DMXL1: variants seen among roughly 807,000 people sequenced by gnomAD.
The protein encoded by DMXL1 is dmX-like protein 1.
Under a neutral mutation model 319.2 loss-of-function variants are expected in DMXL1, and 99 were observed. The observed-to-expected ratio is 0.31, with a 90% CI of 0.26 to 0.37. DMXL1 has a LOEUF of 0.37. Ranked by LOEUF, DMXL1 falls within the 10% of genes least tolerant of loss-of-function variation. The probability of loss-of-function intolerance (pLI) is 1.00; values close to 1 mark genes in which losing one functional copy is unlikely to be tolerated. For synonymous variants in DMXL1, 1,385 were observed against 1,235.2 expected (o/e 1.12, Z -2.54); for missense variants, 3,745 against 3,595.6 (o/e 1.04, Z -1.06).
chr5:119,095,539 A>G (rs1191622939), intron 1 of DMXL1, among the ~76,000 whole-genome samples: 3 of 152,232 alleles, frequency 2.0e-5, no homozygotes, highest in African/African-American at 7.2e-5. Context: ...TTTCAGGTAC[A>G]ACAAAGGTGA....
intron 10 of DMXL1, among the ~76,000 whole-genome samples, chr5:119,129,661 T>G (rs922173958): frequency 2.0e-5 from 3 of 152,192 alleles, no homozygotes; most frequent in Non-Finnish European, 4.4e-5. Context: ...CTTAGGACTT[T>G]CCTATATAAA....
Position 119,149,611 on chromosome 5 carries a change from A to G in DMXL1, c.3784A>G (p.Ile1262Val), listed in dbSNP as rs375367935. The G allele has an allele frequency of 8.1e-6, 13 of 1,613,854 alleles. No individual in the cohort carries two copies. Among genetic ancestry groups the G allele is most frequent in the Middle Eastern group, 3.3e-4 (2 of 6,084 alleles). ...TTCGTACAGTGGGAGCACTCCATCT[A>G]TAACAAGTTTAATAAAACAGAGTAA... is the stretch of plus-strand genomic sequence containing the variant. ...TDSYSGSTPS[I>V]TSLIKQSNSS... The change falls in exon 18 of 44, where the codon ATA (isoleucine) becomes GTA (valine). Residue 1262 changes from isoleucine to valine, a missense_variant. By Grantham distance (29) the Ile-to-Val change is conservative (BLOSUM62 3). Around this residue, in one of 4 missense-constraint regions of DMXL1, gnomAD observed 2,096 missense variants for 1,985.4 expected, o/e 1.06. Coordinates refer to ENST00000539542, the MANE Select transcript of DMXL1 (RefSeq NM_001290321.3).
At chr5:119,162,477 T>C (rs1363543431) in intron 19 of DMXL1, among the ~76,000 whole-genome samples, 1 of 152,200 alleles carries the variant, frequency 6.6e-6, no homozygotes, top group African/African-American at 2.4e-5. Flanking sequence ...CTCTGCTCCA[T>C]AGTTGACACC....
intron 1 of DMXL1, among the ~76,000 whole-genome samples, chr5:119,097,315 CTT>C: frequency 6.6e-6 from 1 of 152,118 alleles, no homozygotes; most frequent in East Asian, 1.9e-4. Context: ...AAATATCACT[CTT>C]TGTGGAAATG....
chr5:119,105,532 C>T (rs1198298583), intron 4 of DMXL1, among the ~76,000 whole-genome samples: 1 of 152,110 alleles, frequency 6.6e-6, no homozygotes. Context: ...GAAAAGGAGC[C>T]TTTGGACCTG....
intron 19 of DMXL1, among the ~76,000 whole-genome samples, chr5:119,162,509 A>G (rs976029746): frequency 1.3e-5 from 2 of 152,168 alleles, no homozygotes; most frequent in African/African-American, 4.8e-5. Flanking sequence ...TCCTTAAATG[A>G]TGGAACTGGT....
At chr5:119,218,492 T>C in intron 35 of DMXL1, among the ~76,000 whole-genome samples, 1 of 152,216 alleles carries the variant, frequency 6.6e-6, no homozygotes, top group Middle Eastern at 3.2e-3. Context: ...AGTCTCGCTC[T>C]GTTGCCCAGG....
chr5:119,128,627 A>G (rs771456620), intron 9 of DMXL1, among the ~76,000 whole-genome samples: 5 of 152,244 alleles, frequency 3.3e-5, no homozygotes, highest in Non-Finnish European at 5.9e-5. Flanking sequence ...GTGTCAGTGT[A>G]GATTCATCAA....
chr5:119,216,377 G>A (rs943976608), intron 34 of DMXL1, among the ~76,000 whole-genome samples: 1 of 152,014 alleles, frequency 6.6e-6, no homozygotes, highest in Non-Finnish European at 1.5e-5. Context: ...AGAATTTCAG[G>A]TTTCTCTATA....
chr5:119,090,322 C>T (rs1212213527), intron 1 of DMXL1, among the ~76,000 whole-genome samples: 1 of 151,472 alleles, frequency 6.6e-6, no homozygotes, highest in Non-Finnish European at 1.5e-5. Context: ...TGCCCGGCCA[C>T]TTGGGGTTAG....
At chr5:119,115,009 G>A (rs923655406) in intron 6 of DMXL1, among the ~76,000 whole-genome samples, 2 of 152,114 alleles carry the variant, frequency 1.3e-5, no homozygotes, top group African/African-American at 4.8e-5. Flanking sequence ...CATTATTGTG[G>A]TGTTAAAAGA....
intron 4 of DMXL1, among the ~76,000 whole-genome samples, chr5:119,105,907 A>G (rs1418801797): frequency 6.7e-6 from 1 of 149,794 alleles, no homozygotes; most frequent in Non-Finnish European, 1.5e-5. Flanking sequence ...AAAAAAAAAA[A>G]AAAAGGAAGA....
At chr5:119,222,885 T>G (rs1302397171) in intron 37 of DMXL1, among the ~76,000 whole-genome samples, 1 of 152,024 alleles carries the variant, frequency 6.6e-6, no homozygotes, top group Non-Finnish European at 1.5e-5. Flanking sequence ...CTTAAAATGC[T>G]CTATCCCTCT....
Position 119,150,082 on chromosome 5 carries a change from T to C in DMXL1, c.4255T>C (p.Cys1419Arg). 1 of 1,613,866 alleles carries C rather than the reference T, an allele frequency of 6.2e-7. No homozygotes were observed. Among genetic ancestry groups the C allele is most frequent in the Non-Finnish European group, 8.5e-7 (1 of 1,179,876 alleles). The change falls in exon 18 of 44, where the codon TGT becomes CGT. Residue 1419 changes from cysteine (C) to arginine (R), a missense_variant. Transcript: ENST00000539542. ...CTTACTTGCAGCAGATGATGATAGC[T>C]GTTACTCATCTTTGGAGAAATCTAG... is the stretch of plus-strand genomic sequence containing the variant. ...YALLAADDDS[C>R]YSSLEKSSNE...
chr5:119,128,209 T>A (rs1764031741), intron 9 of DMXL1: 4 of 414,988 alleles, frequency 9.6e-6, no homozygotes, highest in South Asian at 7.9e-5. Context: ...GTGAGAAGAA[T>A]CTGGATACTC....
At chr5:119,208,745 G>C (rs1782208665) in intron 34 of DMXL1, among the ~76,000 whole-genome samples, 1 of 151,958 alleles carries the variant, frequency 6.6e-6, no homozygotes, top group African/African-American at 2.4e-5. Context: ...TATATTTAAA[G>C]TGTACAACTT....
intron 37 of DMXL1, among the ~76,000 whole-genome samples, chr5:119,223,057 G>GT (rs35683993): frequency 0.52 from 64,380 of 123,382 alleles, 17,716 homozygotes; most frequent in East Asian, 0.73. Context: ...ACTTAGTTGT[G>GT]TTTTTTTTTT....
intron 38 of DMXL1, among the ~76,000 whole-genome samples, chr5:119,232,123 G>C (rs967192141): frequency 6.6e-6 from 1 of 151,964 alleles, no homozygotes. Flanking sequence ...TAGTACTATA[G>C]GTGTGTGCCA....
In DMXL1 at chr5:119,165,231, A is replaced by AT; in HGVS notation, c.4927dup (p.Tyr1643LeufsTer15). ...AAAGAATGATCCTTTAGATGCTGCC[A>AT]TTTTTTACCTTGCAATGAAAAAGAA... is the stretch of plus-strand genomic sequence containing the variant. On this transcript the variant is annotated frameshift_variant, in exon 21 of 44. Transcript: ENST00000539542. LOFTEE classifies it high-confidence loss of function. 6.2e-7 allele frequency: 1 copy of AT among 1,605,748 alleles called. No individual in the cohort carries two copies. Among genetic ancestry groups the AT allele is most frequent in the Middle Eastern group, 1.7e-4 (1 of 5,852 alleles).
Sources: allele counts gnomAD v4.1 joint callset (sites outside exome capture counted in the v4.1 genomes callset), GRCh38; gene constraint gnomAD v4.1.1; regional missense constraint gnomAD v4.1.1; transcripts MANE v1.5; gene names NCBI Gene and HGNC (gene_info 2026-07-23, HGNC 2026-07-21).